OR4K1: variants seen among roughly 807,000 people sequenced by gnomAD.
OR4K1 encodes the protein olfactory receptor 4K1.
In OR4K1, 16 loss-of-function variants were observed where a neutral mutation model predicts 14.4. The ratio of observed to expected loss-of-function variants is 1.11; its 90% confidence interval spans 0.75 to 1.68. The LOEUF is 1.68. Ranked by LOEUF, OR4K1 falls within the 40% of genes most tolerant of loss-of-function variation. The pLI is 0.00. For synonymous variants in OR4K1, 181 were observed against 133.1 expected, an observed-to-expected ratio of 1.36 and a Z score of -2.48; for missense variants, 548 against 376.9, an observed-to-expected ratio of 1.45 and a Z score of -3.76.
At chr14:19,928,468 T>G (rs2138586609), upstream of OR4K1, among the ~76,000 whole-genome samples, 1 of 152,310 alleles carries the variant, frequency 6.6e-6, no homozygotes, top group Non-Finnish European at 1.5e-5. Flanking sequence ...TGTCGCTAAT[T>G]CATGTCTTGT....
At chr14:19,927,008 G>A (rs1882076527), upstream of OR4K1, among the ~76,000 whole-genome samples, 1 of 152,216 alleles carries the variant, frequency 6.6e-6, no homozygotes, top group Non-Finnish European at 1.5e-5. Flanking sequence ...ATCATGAACT[G>A]TTATCAGATT....
chr14:19,936,381 A>G lies in OR4K1; in HGVS notation c.715A>G (p.Thr239Ala). The change falls in exon 2 of 2, where the codon ACA becomes GCA. Residue 239 changes from threonine to alanine, a missense_variant. By Grantham distance (58) the Thr-to-Ala change is moderately conservative. Coordinates refer to ENST00000641172, the MANE Select transcript of OR4K1 (RefSeq NM_001004063.3). ...SSSGSSKALS[T>A]LTAHITVVIL... is the part of the protein sequence containing the mutation. ...CAGTGGGTCATCTAAGGCTCTTTCT[A>G]CATTAACTGCCCACATCACAGTGGT... 1 of 1,614,244 alleles carries G rather than the reference A, an allele frequency of 6.2e-7. No homozygotes were observed. The highest frequency in any genetic ancestry group is 8.5e-7 in the Non-Finnish European group (1 of 1,180,048).
In OR4K1 at chr14:19,935,807, C is replaced by A; in HGVS notation, c.141C>A (p.Val47=). 1 of 1,614,120 alleles carries A rather than the reference C, an allele frequency of 6.2e-7. No homozygotes were observed. The highest frequency in any genetic ancestry group is 8.5e-7 in the Non-Finnish European group (1 of 1,179,992). ...TSVLGNVLII[V]IISFDSHLNS... The stretch of plus-strand genomic sequence containing the variant: ...TGCTAGGCAATGTCTTAATTATTGT[C>A]ATTATTTCTTTTGACTCCCATTTGA... Residue 47 remains valine (V), a synonymous_variant, in exon 2 of 2, where the codon GTC becomes GTA. Transcript: ENST00000641172.
the OR4K1 span, chr14:19,921,082 A>G: frequency 3.2e-4 from 519 of 1,614,110 alleles, 1 homozygote; most frequent in African/African-American, 5.5e-3. Flanking sequence ...ACATTAAGCC[A>G]GTTATCATTT....
At position 19,936,587 on chromosome 14, in the gene OR4K1, C is replaced by T; in HGVS notation, c.921C>T (p.Asn307=). The part of the protein sequence containing the change: ...AMWKLRNRHV[N]SWKN ...GGAAGCTGAGAAACCGTCATGTGAA[C>T]TCCTGGAAAAACTAGGGATCATTAC... Residue 307 remains asparagine (N), a synonymous_variant, in exon 2 of 2, where the codon AAC becomes AAT. Coordinates refer to ENST00000641172, the MANE Select transcript of OR4K1 (RefSeq NM_001004063.3). 1.2e-6 allele frequency: 2 copies of T among 1,600,136 alleles called. No homozygotes were observed. The highest frequency in any genetic ancestry group is 1.3e-5 in the African/African-American group (1 of 74,288).
At chr14:19,932,840 A>G (rs1341032248) in intron 1 of OR4K1, among the ~76,000 whole-genome samples, 1 of 152,124 alleles carries the variant, frequency 6.6e-6, no homozygotes, top group Non-Finnish European at 1.5e-5. Context: ...GGGACTGCTT[A>G]AAACATAGAA....
chr14:19,925,834 A>C, the OR4K1 span, among the ~76,000 whole-genome samples: 484 of 152,358 alleles, frequency 3.2e-3, 4 homozygotes, highest in African/African-American at 0.011. Flanking sequence ...AAATAGAGAC[A>C]ACTGGCAATA....
At chr14:19,923,311 A>C in the OR4K1 span, among the ~76,000 whole-genome samples, 2 of 152,214 alleles carry the variant, frequency 1.3e-5, no homozygotes, top group Non-Finnish European at 2.9e-5. Context: ...AATTTACTAC[A>C]GTTTTAAAAT....
the OR4K1 span, chr14:19,921,683 G>A: frequency 1.7e-6 from 2 of 1,195,976 alleles, no homozygotes; most frequent in East Asian, 5.0e-5. Context: ...AGATAATATA[G>A]AGAACATTTA....
chr14:19,932,682 T>C (rs955176905), intron 1 of OR4K1, among the ~76,000 whole-genome samples: 1 of 152,240 alleles, frequency 6.6e-6, no homozygotes, highest in African/African-American at 2.4e-5. Flanking sequence ...GTATACAACT[T>C]ACTAGTAGTA....
chr14:19,933,046 A>C (rs951248662), intron 1 of OR4K1, among the ~76,000 whole-genome samples: 11 of 151,500 alleles, frequency 7.3e-5, no homozygotes, highest in Admixed American at 2.6e-4. Context: ...TTGCTGTAAT[A>C]GATGTATGTA....
the OR4K1 span, among the ~76,000 whole-genome samples, chr14:19,925,000 T>C: frequency 6.6e-6 from 1 of 152,304 alleles, no homozygotes; most frequent in South Asian, 2.1e-4. Flanking sequence ...ACTATTAATA[T>C]AACTTGGTAA....
At chr14:19,928,646 A>G (rs1035299388), upstream of OR4K1, among the ~76,000 whole-genome samples, 11 of 152,224 alleles carry the variant, frequency 7.2e-5, no homozygotes, top group African/African-American at 2.4e-4. Context: ...AAGTATGTTT[A>G]CTAAGTATAA....
upstream of OR4K1, among the ~76,000 whole-genome samples, chr14:19,930,483 T>G (rs761914195): frequency 6.6e-6 from 1 of 152,232 alleles, no homozygotes; most frequent in Non-Finnish European, 1.5e-5. Flanking sequence ...GCTAATAGAT[T>G]TACTCTTTAA....
At chr14:19,923,104 G>T in the OR4K1 span, among the ~76,000 whole-genome samples, 3 of 152,166 alleles carry the variant, frequency 2.0e-5, no homozygotes, top group Non-Finnish European at 2.9e-5. Flanking sequence ...TTGGGAGCTA[G>T]GCATCTATTT....
At chr14:19,920,896 G>T in the OR4K1 span, 1 of 1,614,174 alleles carries the variant, frequency 6.2e-7, no homozygotes. Flanking sequence ...TTCAGTGGCT[G>T]CATAGCCCAA....
At position 19,936,729 on chromosome 14, in the gene OR4K1, T is replaced by G; in HGVS notation, c.*127T>G. ...TACAGAATTGGCTTTTTGTTTTAAG[T>G]GCAAGGGAATTGCATCAAGTCAGTC... On this transcript the variant is annotated 3_prime_UTR_variant, in exon 2 of 2. Coordinates refer to ENST00000641172, the MANE Select transcript of OR4K1 (RefSeq NM_001004063.3). 1 of 735,312 alleles carries G rather than the reference T, an allele frequency of 1.4e-6. No individual in the cohort carries two copies. Among genetic ancestry groups the G allele is most frequent in the Non-Finnish European group, 2.0e-6 (1 of 491,134 alleles). 45.5% of individuals were successfully genotyped at this position (735,312 alleles called of 1,614,324 possible).
the OR4K1 span, among the ~76,000 whole-genome samples, chr14:19,923,514 T>C: frequency 6.6e-6 from 1 of 152,230 alleles, no homozygotes; most frequent in Non-Finnish European, 1.5e-5. Context: ...ATTATATTCA[T>C]TGTATATAAC....
chr14:19,935,948 T>G lies in OR4K1; in HGVS notation c.282T>G (p.Phe94Leu), dbSNP rs976861812. 3 of 1,614,106 alleles carry G rather than the reference T, an allele frequency of 1.9e-6. No homozygotes were observed. The African/African-American group carries it at 4.0e-5, about 22-fold the overall frequency. The change falls in exon 2 of 2, where the codon TTT (phenylalanine) becomes TTG (leucine). Residue 94 changes from phenylalanine to leucine, a missense_variant. Coordinates refer to ENST00000641172, the MANE Select transcript of OR4K1 (RefSeq NM_001004063.3). ...TTATTGAGCGCAAGACTATCTCCTT[T>G]GAGGGTTGCATGGCCCAGATATTCG... ...DFFIERKTIS[F>L]EGCMAQIFVL...
Sources: allele counts gnomAD v4.1 joint callset (sites outside exome capture counted in the v4.1 genomes callset), GRCh38; gene constraint gnomAD v4.1.1; transcripts MANE v1.5; gene names NCBI Gene and HGNC (gene_info 2026-07-23, HGNC 2026-07-21).